Variants in MOCOS observed in about 807,000 individuals in gnomAD.
MOCOS encodes the protein molybdenum cofactor sulfurase.
Under a neutral mutation model 83.6 loss-of-function variants are expected in MOCOS, and 86 were observed. The ratio of observed to expected loss-of-function variants is 1.03; its 90% CI spans 0.86 to 1.23. The LOEUF (loss-of-function observed/expected upper bound fraction) is 1.23. MOCOS is among the 50% of genes most tolerant of loss of function. MOCOS has a pLI of 0.00. For synonymous variants in MOCOS, 445 were observed against 434.7 expected (o/e 1.02, Z -0.29); for missense variants, 1,120 against 1,126.9 (o/e 0.99, Z 0.09).
chr18:36,213,381 A>G lies in MOCOS; in HGVS notation c.1234A>G (p.Ser412Gly). ...IGYSQVDKMA[S>G]LYNIHLRTGC... is the part of the protein sequence containing the mutation. ...AAATCCGCAGGTGGACAAAATGGCCAGTCTTTACAACATCCACCTGCGAAC... is the reference window on the plus strand; with the variant it reads ...AAATCCGCAGGTGGACAAAATGGCCGGTCTTTACAACATCCACCTGCGAAC... Residue 412 changes from serine (S) to glycine (G), a missense_variant, in exon 7 of 15, where the codon AGT becomes GGT. Coordinates refer to ENST00000261326, the MANE Select transcript of MOCOS (RefSeq NM_017947.4). The G allele has an allele frequency of 6.2e-7, 1 of 1,614,124 alleles. No homozygotes were observed. The highest frequency in any genetic ancestry group is 1.1e-5 in the South Asian group (1 of 91,066).
At chr18:36,247,501 C>T (rs558426104) in intron 9 of MOCOS, among the ~76,000 whole-genome samples, 1 of 152,186 alleles carries the variant, frequency 6.6e-6, no homozygotes, top group African/African-American at 2.4e-5. Flanking sequence ...CTTCCCTTCC[C>T]CAAGAACCCC....
intron 4 of MOCOS, among the ~76,000 whole-genome samples, chr18:36,201,197 C>T (rs1598872253): frequency 6.6e-6 from 1 of 152,278 alleles, no homozygotes; most frequent in East Asian, 1.9e-4. Flanking sequence ...CCAACAGACC[C>T]CACACAGACG....
At chr18:36,202,779 G>T (rs980755661) in intron 4 of MOCOS, among the ~76,000 whole-genome samples, 1 of 152,176 alleles carries the variant, frequency 6.6e-6, no homozygotes, top group East Asian at 1.9e-4. Context: ...ATGGCGGAAA[G>T]GGAAGCAGGC....
chr18:36,204,501 G>T (rs2091427035), intron 5 of MOCOS, among the ~76,000 whole-genome samples: 2 of 152,032 alleles, frequency 1.3e-5, no homozygotes, highest in South Asian at 4.1e-4. Flanking sequence ...TTACCAAAGG[G>T]TCTAAATATC....
intron 1 of MOCOS, among the ~76,000 whole-genome samples, chr18:36,193,555 A>G (rs899280285): frequency 1.3e-5 from 2 of 152,104 alleles, no homozygotes; most frequent in African/African-American, 4.8e-5. Context: ...ACGAACTTGG[A>G]CCCCTACCTC....
In MOCOS at chr18:36,205,290, C is replaced by T. The variant is rs377179440; in HGVS notation, c.1218+14C>T. The T allele has an allele frequency of 3.7e-6, 6 of 1,606,962 alleles. No homozygotes were observed. In the African/African-American group the frequency reaches 6.7e-5, roughly 18 times the overall value. On this transcript the variant is annotated intron_variant, in intron 6 of 14. Coordinates refer to ENST00000261326, the MANE Select transcript of MOCOS (RefSeq NM_017947.4). Reference sequence around the variant, plus strand: ...GGTTACTCCCAGGTGGGTTTTCTTTCCATCCTGCTGACTTTATTACAACTC... The same window carrying T: ...GGTTACTCCCAGGTGGGTTTTCTTTTCATCCTGCTGACTTTATTACAACTC...
chr18:36,250,032 C>T (rs1230966507), intron 10 of MOCOS, among the ~76,000 whole-genome samples: 1 of 152,134 alleles, frequency 6.6e-6, no homozygotes, highest in Non-Finnish European at 1.5e-5. Flanking sequence ...AATCAAATGT[C>T]TGCATCCCTT....
intron 13 of MOCOS, among the ~76,000 whole-genome samples, chr18:36,265,605 G>A (rs1160000857): frequency 6.6e-6 from 1 of 152,108 alleles, no homozygotes; most frequent in Admixed American, 6.6e-5. Flanking sequence ...TTATTGCTGA[G>A]CTGCATGCTT....
At chr18:36,211,475 C>A (rs547525144) in intron 6 of MOCOS, among the ~76,000 whole-genome samples, 5 of 152,100 alleles carry the variant, frequency 3.3e-5, no homozygotes, top group South Asian at 4.2e-4. Context: ...TATATACATC[C>A]CTTAGCACAG....
At chr18:36,264,371 C>G (rs2091674277) in intron 13 of MOCOS, among the ~76,000 whole-genome samples, 1 of 152,246 alleles carries the variant, frequency 6.6e-6, no homozygotes. Flanking sequence ...TCTGCAGGAG[C>G]TGGCCCCATG....
At chr18:36,222,682 A>G (rs1230724207) in intron 9 of MOCOS, among the ~76,000 whole-genome samples, 1 of 151,522 alleles carries the variant, frequency 6.6e-6, no homozygotes, top group Non-Finnish European at 1.5e-5. Context: ...GCTCACTGCA[A>G]GCTCTGCCTT....
At chr18:36,227,357 G>A (rs1043472788) in intron 9 of MOCOS, among the ~76,000 whole-genome samples, 4 of 151,606 alleles carry the variant, frequency 2.6e-5, no homozygotes, top group Non-Finnish European at 5.9e-5. Flanking sequence ...TTACCCTACC[G>A]AGTAGCTGGG....
Position 36,213,353 on chromosome 18 carries a change from A to G in MOCOS, c.1219-13A>G, listed in dbSNP as rs1428693272. 3 of 1,609,568 alleles carry G rather than the reference A, an allele frequency of 1.9e-6. No individual in the cohort carries two copies. Among genetic ancestry groups the G allele is most frequent in the Non-Finnish European group, 2.6e-6 (3 of 1,175,870 alleles). ...TTGGTAATGGCTCATTCCATGTTACATTAAATCCGCAGGTGGACAAAATGG... is the reference window on the plus strand; with the variant it reads ...TTGGTAATGGCTCATTCCATGTTACGTTAAATCCGCAGGTGGACAAAATGG... On this transcript the variant is annotated splice_polypyrimidine_tract_variant and intron_variant, in intron 6 of 14. Coordinates refer to ENST00000261326, the MANE Select transcript of MOCOS (RefSeq NM_017947.4).
intron 9 of MOCOS, among the ~76,000 whole-genome samples, chr18:36,220,814 G>A (rs141985000): frequency 2.7e-3 from 409 of 152,044 alleles, no homozygotes; most frequent in African/African-American, 9.4e-3. Context: ...CCAGCTACTT[G>A]GGTACTTGGG....
chr18:36,231,057 G>T (rs1236403405), intron 9 of MOCOS, among the ~76,000 whole-genome samples: 1 of 152,134 alleles, frequency 6.6e-6, no homozygotes, highest in Non-Finnish European at 1.5e-5. Context: ...AAATAAGAAT[G>T]ATGTTTATTG....
At chr18:36,196,946 C>G (rs560285351) in intron 2 of MOCOS, among the ~76,000 whole-genome samples, 56 of 152,182 alleles carry the variant, frequency 3.7e-4, no homozygotes, top group Non-Finnish European at 6.3e-4. Flanking sequence ...ACATGTAGCT[C>G]CTGAGAAATG....
At chr18:36,256,442 AT>A (rs2091641860) in intron 11 of MOCOS, among the ~76,000 whole-genome samples, 1 of 151,734 alleles carries the variant, frequency 6.6e-6, no homozygotes, top group African/African-American at 2.4e-5. Flanking sequence ...TTTTCATTTT[AT>A]TTTTTTAATT....
intron 8 of MOCOS, among the ~76,000 whole-genome samples, chr18:36,219,622 T>C (rs1246102655): frequency 2.0e-5 from 3 of 152,210 alleles, no homozygotes; most frequent in East Asian, 1.9e-4. Context: ...GAGGTTGCAA[T>C]GGGCTGAGAT....
chr18:36,195,651 A>G (rs1485637296), intron 2 of MOCOS, among the ~76,000 whole-genome samples: 2 of 152,210 alleles, frequency 1.3e-5, no homozygotes. Flanking sequence ...TGTATAGTGC[A>G]GAGAGTGGGG....
Sources: gnomAD v4.1 joint callset for allele counts (sites outside exome capture counted in the v4.1 genomes callset) on GRCh38, gnomAD v4.1.1 for gene constraint, MANE v1.5 for transcripts, NCBI Gene and HGNC (gene_info 2026-07-23, HGNC 2026-07-21) for gene names.